The following NANOS1 variants were observed in gnomAD, a reference collection of about 807,000 sequenced individuals.
NANOS1 encodes nanos homolog 1.
A neutral mutation model predicts 1.1 loss-of-function variants in NANOS1; 1 was observed. The ratio of observed to expected loss-of-function variants is 0.88; its 90% CI spans 0.31 to 4.20. The LOEUF (loss-of-function observed/expected upper bound fraction) is 4.20, where lower values mean the gene tolerates loss of function less well. Among genes scored for constraint, NANOS1 ranks in the 30% most tolerant of loss-of-function variants. NANOS1 has a pLI of 0.17. For missense variants in NANOS1, 537 were observed against 457.9 expected (o/e 1.17, Z -1.58); for synonymous variants, 252 against 230.6 (o/e 1.09, Z -0.84).
At position 119,031,992 on chromosome 10, in the gene NANOS1, A is replaced by G. The variant is rs1460979293; in HGVS notation, c.*1312A>G. Reference sequence around the variant, plus strand: ...TCCCACCCTCACTTTTAAATCCACCATACTGAATGCCACACTATGGAATGC... The same window carrying G: ...TCCCACCCTCACTTTTAAATCCACCGTACTGAATGCCACACTATGGAATGC... On this transcript the variant is annotated 3_prime_UTR_variant, in exon 1 of 1. Coordinates refer to ENST00000425699, the MANE Select transcript of NANOS1 (RefSeq NM_199461.4). The G allele has an allele frequency of 6.0e-6, 1 of 167,126 alleles. No individual in the cohort carries two copies. The highest frequency in any genetic ancestry group is 2.4e-5 in the African/African-American group (1 of 41,468). 10.4% of individuals were successfully genotyped at this position (167,126 alleles called of 1,614,324 possible).
chr10:119,030,411 G>T lies in NANOS1; in HGVS notation c.610G>T (p.Ala204Ser). 5 of 1,267,770 alleles carry T rather than the reference G, an allele frequency of 3.9e-6. No individual in the cohort carries two copies. The highest frequency in any genetic ancestry group is 1.6e-5 in the African/African-American group (1 of 63,512). The allele number at this position is 1,267,770 out of a possible 1,614,324, so 78.5% of individuals were successfully genotyped here. A position where few individuals can be genotyped will look rare whatever the true frequency, so the allele number is the denominator to read the frequency against. Residue 204 changes from alanine to serine, a missense_variant, in exon 1 of 1, where the codon GCC (alanine) becomes TCC (serine). Physicochemically the swap from Ala to Ser is moderately conservative, Grantham distance 99. Coordinates refer to ENST00000425699, the MANE Select transcript of NANOS1 (RefSeq NM_199461.4). This position sits in a 1 kb window ranked among gnomAD's most constrained non-coding sequence, Gnocchi z 5.3. ...RLHAASGAAA[A>S]RLLKPELQVC... ...GCACGCGGCCTCCGGGGCGGCGGCCGCCCGGCTGCTGAAGCCCGAGCTGCA... is the reference window on the plus strand; with the variant it reads ...GCACGCGGCCTCCGGGGCGGCGGCCTCCCGGCTGCTGAAGCCCGAGCTGCA...
Position 119,030,167 on chromosome 10 carries a change from C to T in NANOS1, c.366C>T (p.Tyr122=), listed in dbSNP as rs914464268. The T allele has an allele frequency of 1.8e-5, 24 of 1,350,382 alleles. No homozygotes were observed. In the African/African-American group the frequency reaches 3.2e-4, roughly 18 times the overall value. The allele number at this position is 1,350,382 out of a possible 1,614,324, so 83.6% of individuals were successfully genotyped here. Residue 122 remains tyrosine (Y), a synonymous_variant, in exon 1 of 1, where the codon TAC becomes TAT. Transcript: ENST00000425699. The surrounding 1 kb of genome is among the most constrained non-coding windows in gnomAD (Gnocchi z 5.3). ...ACGAGCCGGGGTCCCGGGGCCGCTA[C>T]CTGGGGAGCGCGCTGGAATTGCGCG... is the stretch of plus-strand genomic sequence containing the variant. ...DSDEPGSRGR[Y]LGSALELRAL...
chr10:119,030,858 T>TA lies in NANOS1; in HGVS notation c.*178_*179insA. 2.3e-6 allele frequency: 2 copies of TA among 874,462 alleles called. No homozygotes were observed. Among genetic ancestry groups the TA allele is most frequent in the Non-Finnish European group, 3.0e-6 (2 of 656,034 alleles). The allele number at this position is 874,462 out of a possible 1,614,324, so 54.2% of individuals were successfully genotyped here. A position where few individuals can be genotyped will look rare whatever the true frequency, so the allele number is the denominator to read the frequency against. On this transcript the variant is annotated 3_prime_UTR_variant, in exon 1 of 1. Transcript: ENST00000425699. This position sits in a 1 kb window ranked among gnomAD's most constrained non-coding sequence, Gnocchi z 5.3. ...GTGGAGTACTTCCGTGCTGAACGAT[T>TA]GGGACTAGACGCTGAAATCCCCATT...
Position 119,030,041 on chromosome 10 carries a change from C to A in NANOS1, c.240C>A (p.Ser80=). The change falls in exon 1 of 1, where the codon TCC becomes TCA. Residue 80 remains serine, a synonymous_variant. Transcript: ENST00000425699. The surrounding 1 kb of genome is among the most constrained non-coding windows in gnomAD (Gnocchi z 5.3). ...NGGGGSPPSS[S]SSSCCSPHTG... is the part of the protein sequence containing the mutation. ...GCGGCGGCTCCCCGCCCTCCTCCTC[C>A]TCGTCGTCCTGCTGCTCCCCCCACA... 1 of 1,359,056 alleles carries A rather than the reference C, an allele frequency of 7.4e-7. No individual in the cohort carries two copies. Among genetic ancestry groups the A allele is most frequent in the South Asian group, 1.7e-5 (1 of 58,208 alleles). 84.2% of individuals were successfully genotyped at this position (1,359,056 alleles called of 1,614,324 possible). A position where few individuals can be genotyped will look rare whatever the true frequency, so the allele number is the denominator to read the frequency against.
In NANOS1 at chr10:119,030,636, C is replaced by A; in HGVS notation, c.835C>A (p.Pro279Thr). The A allele has an allele frequency of 7.0e-7, 1 of 1,438,816 alleles. No individual in the cohort carries two copies. Among genetic ancestry groups the A allele is most frequent in the Admixed American group, 2.4e-5 (1 of 41,952 alleles). The allele number at this position is 1,438,816 out of a possible 1,614,324, so 89.1% of individuals were successfully genotyped here. Reference sequence around the variant, plus strand: ...GCCGCCGCCGCCCGCCCGCCCGCCGCCCCGCAGCGCCAGGGACGGCCCGCC... The same window carrying A: ...GCCGCCGCCGCCCGCCCGCCCGCCGACCCGCAGCGCCAGGGACGGCCCGCC... ...KVPPPPARPP[P>T]RSARDGPPGK... Residue 279 changes from proline (P) to threonine (T), a missense_variant, in exon 1 of 1, where the codon CCC becomes ACC. Pro to Thr is a conservative substitution (Grantham distance 38, BLOSUM62 -1). Transcript: ENST00000425699. The surrounding 1 kb of genome is among the most constrained non-coding windows in gnomAD (Gnocchi z 5.3).
chr10:119,029,794 G>T lies in NANOS1; in HGVS notation c.-8G>T. On this transcript the variant is annotated 5_prime_UTR_variant, in exon 1 of 1. Coordinates refer to ENST00000425699, the MANE Select transcript of NANOS1 (RefSeq NM_199461.4). ...GCGGGGAGGCGGCGCGCGGCCCGCA[G>T]CCCGCCCATGGAGGCTTTCCCCTGG... is the stretch of plus-strand genomic sequence containing the variant. 1 of 1,042,064 alleles carries T rather than the reference G, an allele frequency of 9.6e-7. No individual in the cohort carries two copies. The highest frequency in any genetic ancestry group is 1.2e-6 in the Non-Finnish European group (1 of 868,306). 64.6% of individuals were successfully genotyped at this position (1,042,064 alleles called of 1,614,324 possible).
Position 119,030,143 on chromosome 10 carries a change from CG to C in NANOS1, c.343del (p.Glu115SerfsTer37). ...YDEDDDDDSD[E>X]PGSRGRYLGS... ...ACGAGGACGACGACGACGACAGCGA[CG>C]AGCCGGGGTCCCGGGGCCGCTACCT... is the stretch of plus-strand genomic sequence containing the variant. On this transcript the variant is annotated frameshift_variant, in exon 1 of 1. Transcript: ENST00000425699. LOFTEE classifies it low-confidence loss of function (END_TRUNC). The surrounding 1 kb of genome is among the most constrained non-coding windows in gnomAD (Gnocchi z 5.3). 1 of 1,353,074 alleles carries C rather than the reference CG, an allele frequency of 7.4e-7. No individual in the cohort carries two copies. Among genetic ancestry groups the C allele is most frequent in the South Asian group, 1.8e-5 (1 of 54,804 alleles). The allele number at this position is 1,353,074 out of a possible 1,614,324, so 83.8% of individuals were successfully genotyped here. A position where few individuals can be genotyped will look rare whatever the true frequency, so the allele number is the denominator to read the frequency against.
rs1368682307 is a variant in NANOS1, at chr10:119,030,095, G to C, written c.294G>C (p.Pro98=). The C allele has an allele frequency of 7.6e-7, 1 of 1,312,266 alleles. No homozygotes were observed. The highest frequency in any genetic ancestry group is 9.7e-7 in the Non-Finnish European group (1 of 1,036,074). The allele number at this position is 1,312,266 out of a possible 1,614,324, so 81.3% of individuals were successfully genotyped here. The change falls in exon 1 of 1, where the codon CCG becomes CCC. Residue 98 remains proline, a synonymous_variant. Transcript: ENST00000425699. This position sits in a 1 kb window ranked among gnomAD's most constrained non-coding sequence, Gnocchi z 5.3. ...GGGCCGGGCCTGGGGCGCTGGGGCC[G>C]GCGCTGGGGCCGCCCGACTACGACG... The part of the protein sequence containing the change: ...HTGAGPGALG[P]ALGPPDYDED...
Position 119,030,578 on chromosome 10 carries a change from G to A in NANOS1, c.777G>A (p.Ala259=). Reference sequence around the variant, plus strand: ...TGTGCGGCGCCAGCGGCGACAACGCGCACACCATCAAGTACTGCCCGCTCT... The same window carrying A: ...TGTGCGGCGCCAGCGGCGACAACGCACACACCATCAAGTACTGCCCGCTCT... The part of the protein sequence containing the change: ...CPLCGASGDN[A]HTIKYCPLSK... The change falls in exon 1 of 1, where the codon GCG becomes GCA. Residue 259 remains alanine (A), a synonymous_variant. Coordinates refer to ENST00000425699, the MANE Select transcript of NANOS1 (RefSeq NM_199461.4). This position sits in a 1 kb window ranked among gnomAD's most constrained non-coding sequence, Gnocchi z 5.3. The A allele has an allele frequency of 6.5e-7, 1 of 1,527,786 alleles. No homozygotes were observed. 94.6% of individuals were successfully genotyped at this position (1,527,786 alleles called of 1,614,324 possible). A position where few individuals can be genotyped will look rare whatever the true frequency, so the allele number is the denominator to read the frequency against.
Position 119,029,908 on chromosome 10 carries a change from A to T in NANOS1, c.107A>T (p.His36Leu). ...ARYVSAPGPA[H>L]PQPFSSWNDY... ...TACGTGAGCGCCCCGGGCCCGGCGC[A>T]CCCGCAGCCCTTCAGCTCCTGGAAC... Residue 36 changes from histidine to leucine, a missense_variant, in exon 1 of 1, where the codon CAC becomes CTC. Physicochemically the swap from His to Leu is moderately conservative, Grantham distance 99. Transcript: ENST00000425699. The T allele has an allele frequency of 7.2e-7, 1 of 1,392,858 alleles. No homozygotes were observed. The highest frequency in any genetic ancestry group is 1.5e-5 in the African/African-American group (1 of 66,802). The allele number at this position is 1,392,858 out of a possible 1,614,324, so 86.3% of individuals were successfully genotyped here.
In NANOS1 at chr10:119,030,775, C is replaced by G; in HGVS notation, c.*95C>G. Reference sequence around the variant, plus strand: ...CCCCGCCGTGGGGAGGCGTGCGGCTCAGCGGTCGGCTCGACATGGGACGTC... The same window carrying G: ...CCCCGCCGTGGGGAGGCGTGCGGCTGAGCGGTCGGCTCGACATGGGACGTC... On this transcript the variant is annotated 3_prime_UTR_variant, in exon 1 of 1. Coordinates refer to ENST00000425699, the MANE Select transcript of NANOS1 (RefSeq NM_199461.4). This position sits in a 1 kb window ranked among gnomAD's most constrained non-coding sequence, Gnocchi z 5.3. The G allele has an allele frequency of 8.1e-7, 1 of 1,235,464 alleles. No homozygotes were observed. Among genetic ancestry groups the G allele is most frequent in the East Asian group, 3.4e-5 (1 of 29,022 alleles). 76.5% of individuals were successfully genotyped at this position (1,235,464 alleles called of 1,614,324 possible).
In NANOS1 at chr10:119,033,183, G is replaced by A. The variant is rs919447908; in HGVS notation, c.*2503G>A. The A allele has an allele frequency of 9.6e-5, 16 of 167,000 alleles. No individual in the cohort carries two copies. The highest frequency in any genetic ancestry group is 2.4e-5 in the African/African-American group (1 of 41,406). 10.3% of individuals were successfully genotyped at this position (167,000 alleles called of 1,614,324 possible). A position where few individuals can be genotyped will look rare whatever the true frequency, so the allele number is the denominator to read the frequency against. On this transcript the variant is annotated 3_prime_UTR_variant, in exon 1 of 1. Coordinates refer to ENST00000425699, the MANE Select transcript of NANOS1 (RefSeq NM_199461.4). Reference sequence around the variant, plus strand: ...TGCACTCCAGCCTGAGCAACAGAGCGACTCTGTCTCCAAAAAAGAAAAAAA... The same window carrying A: ...TGCACTCCAGCCTGAGCAACAGAGCAACTCTGTCTCCAAAAAAGAAAAAAA...
rs1589680491 is a variant in NANOS1, at chr10:119,030,628, G to A, written c.827G>A (p.Arg276His). Residue 276 changes from arginine (R) to histidine (H), a missense_variant, in exon 1 of 1, where the codon CGC becomes CAC. Arg to His is a conservative substitution (Grantham distance 29). Coordinates refer to ENST00000425699, the MANE Select transcript of NANOS1 (RefSeq NM_199461.4). This position sits in a 1 kb window ranked among gnomAD's most constrained non-coding sequence, Gnocchi z 5.3. ...TCCAAAGTGCCGCCGCCGCCCGCCCGCCCGCCGCCCCGCAGCGCCAGGGAC... is the reference window on the plus strand; with the variant it reads ...TCCAAAGTGCCGCCGCCGCCCGCCCACCCGCCGCCCCGCAGCGCCAGGGAC... ...PLSKVPPPPA[R>H]PPPRSARDGP... 6.9e-7 allele frequency: 1 copy of A among 1,450,990 alleles called. No individual in the cohort carries two copies. The highest frequency in any genetic ancestry group is 9.1e-7 in the Non-Finnish European group (1 of 1,101,086). 89.9% of individuals were successfully genotyped at this position (1,450,990 alleles called of 1,614,324 possible).
At position 119,030,388 on chromosome 10, in the gene NANOS1, A is replaced by C. The variant is rs1848026881; in HGVS notation, c.587A>C (p.His196Pro). 6 of 1,154,118 alleles carry C rather than the reference A, an allele frequency of 5.2e-6. No individual in the cohort carries two copies. In the East Asian group the frequency reaches 3.0e-4, roughly 57 times the overall value. 71.5% of individuals were successfully genotyped at this position (1,154,118 alleles called of 1,614,324 possible). A position where few individuals can be genotyped will look rare whatever the true frequency, so the allele number is the denominator to read the frequency against. The change falls in exon 1 of 1, where the codon CAC becomes CCC. Residue 196 changes from histidine (H) to proline (P), a missense_variant. His to Pro is a moderately conservative substitution (Grantham distance 77, BLOSUM62 -2). Transcript: ENST00000425699. This position sits in a 1 kb window ranked among gnomAD's most constrained non-coding sequence, Gnocchi z 5.3. The stretch of plus-strand genomic sequence containing the variant: ...GCGTGGGCGGCCGAGCCCCGGCTGC[A>C]CGCGGCCTCCGGGGCGGCGGCCGCC... ...APAWAAEPRL[H>P]AASGAAAARL...
Position 119,030,737 on chromosome 10 carries a change from C to G in NANOS1, c.*57C>G. ...GCCGCCCCTCGCACCGCTAGGTCTG[C>G]GCACCATCTCGCCCCCGCCGTGGGG... is the stretch of plus-strand genomic sequence containing the variant. On this transcript the variant is annotated 3_prime_UTR_variant, in exon 1 of 1. Transcript: ENST00000425699. The surrounding 1 kb of genome is among the most constrained non-coding windows in gnomAD (Gnocchi z 5.3). The G allele has an allele frequency of 1.6e-6, 2 of 1,252,042 alleles. No homozygotes were observed. 77.6% of individuals were successfully genotyped at this position (1,252,042 alleles called of 1,614,324 possible). A position where few individuals can be genotyped will look rare whatever the true frequency, so the allele number is the denominator to read the frequency against.
rs972927309 is a variant in NANOS1, at chr10:119,033,435, T to G, written c.*2755T>G. 1 of 167,090 alleles carries G rather than the reference T, an allele frequency of 6.0e-6. No homozygotes were observed. The highest frequency in any genetic ancestry group is 1.5e-5 in the Non-Finnish European group (1 of 68,108). 10.4% of individuals were successfully genotyped at this position (167,090 alleles called of 1,614,324 possible). On this transcript the variant is annotated 3_prime_UTR_variant, in exon 1 of 1. Transcript: ENST00000425699. ...CCAATTTTTCAAAGTTTAAGAAATA[T>G]ACAAAGTATGACAAAATTATCTTCA... is the stretch of plus-strand genomic sequence containing the variant.
In NANOS1 at chr10:119,029,905, C is replaced by T. The variant is rs1346930685; in HGVS notation, c.104C>T (p.Ala35Val). The T allele has an allele frequency of 3.6e-6, 5 of 1,390,760 alleles. No individual in the cohort carries two copies. The highest frequency in any genetic ancestry group is 3.1e-5 in the East Asian group (1 of 31,948). 86.2% of individuals were successfully genotyped at this position (1,390,760 alleles called of 1,614,324 possible). ...SARYVSAPGP[A>V]HPQPFSSWND... ...CGCTACGTGAGCGCCCCGGGCCCGG[C>T]GCACCCGCAGCCCTTCAGCTCCTGG... Residue 35 changes from alanine to valine, a missense_variant, in exon 1 of 1, where the codon GCG becomes GTG. Transcript: ENST00000425699.
chr10:119,030,415 G>C lies in NANOS1; in HGVS notation c.614G>C (p.Arg205Pro). 1 of 1,200,894 alleles carries C rather than the reference G, an allele frequency of 8.3e-7. No individual in the cohort carries two copies. The highest frequency in any genetic ancestry group is 1.1e-6 in the Non-Finnish European group (1 of 947,156). 74.4% of individuals were successfully genotyped at this position (1,200,894 alleles called of 1,614,324 possible). ...GCGGCCTCCGGGGCGGCGGCCGCCC[G>C]GCTGCTGAAGCCCGAGCTGCAGGTG... ...LHAASGAAAA[R>P]LLKPELQVCV... The change falls in exon 1 of 1, where the codon CGG becomes CCG. Residue 205 changes from arginine to proline, a missense_variant. By Grantham distance (103) the Arg-to-Pro change is moderately radical. Transcript: ENST00000425699. This position sits in a 1 kb window ranked among gnomAD's most constrained non-coding sequence, Gnocchi z 5.3.
rs1848015969 is a variant in NANOS1 at position 119,029,957 on chromosome 10, C to T, written c.156C>T (p.Leu52=). Residue 52 remains leucine, a synonymous_variant, in exon 1 of 1, where the codon CTC becomes CTT. Transcript: ENST00000425699. ...SWNDYLGLAT[L]ITKAVDGEPR... Reference sequence around the variant, plus strand: ...ACGACTACCTGGGGCTCGCCACGCTCATCACCAAAGCGGTGGACGGCGAGC... The same window carrying T: ...ACGACTACCTGGGGCTCGCCACGCTTATCACCAAAGCGGTGGACGGCGAGC... The T allele has an allele frequency of 2.8e-6, 4 of 1,435,466 alleles. No homozygotes were observed. The highest frequency in any genetic ancestry group is 2.7e-5 in the South Asian group (2 of 72,884). The allele number at this position is 1,435,466 out of a possible 1,614,324, so 88.9% of individuals were successfully genotyped here.
Sources: gnomAD v4.1 joint callset for allele counts on GRCh38, gnomAD v4.1.1 for gene constraint, Gnocchi (gnomAD v3.1) non-coding constraint, MANE v1.5 for transcripts, NCBI Gene and HGNC (gene_info 2026-07-23, HGNC 2026-07-21) for gene names.